The following PTPRZ1 variants were observed in gnomAD, a reference collection of about 807,000 sequenced individuals.
PTPRZ1 encodes protein tyrosine phosphatase receptor type Z1.
In PTPRZ1, 82 loss-of-function variants were observed where a neutral mutation model predicts 214.1. The observed-to-expected ratio is 0.38, with a 90% CI of 0.32 to 0.46. The LOEUF (loss-of-function observed/expected upper bound fraction) is 0.46, where lower values mean the gene tolerates loss of function less well. PTPRZ1 is among the 20% of genes least tolerant of loss of function. The probability of loss-of-function intolerance (pLI) is 1.00; values close to 1 mark genes in which losing one functional copy is unlikely to be tolerated. For synonymous variants in PTPRZ1, 945 were observed against 987.9 expected, an observed-to-expected ratio of 0.96 and a Z score of 0.81; for missense variants, 2,603 against 2,748.7, an observed-to-expected ratio of 0.95 and a Z score of 1.19.
intron 1 of PTPRZ1, among the ~76,000 whole-genome samples, chr7:121,883,869 AC>A: frequency 6.6e-6 from 1 of 152,000 alleles, no homozygotes; most frequent in East Asian, 1.9e-4. Flanking sequence ...CAGGTGGTCC[AC>A]CCTCCTCGGC....
intron 11 of PTPRZ1, among the ~76,000 whole-genome samples, chr7:122,007,969 A>G (rs1798542843): frequency 6.6e-6 from 1 of 152,178 alleles, no homozygotes; most frequent in South Asian, 2.1e-4. Flanking sequence ...GGTAGGATTA[A>G]TGAAGGTCTA....
chr7:122,005,404 T>C (rs1189381492), intron 11 of PTPRZ1, among the ~76,000 whole-genome samples: 2 of 151,962 alleles, frequency 1.3e-5, no homozygotes, highest in Non-Finnish European at 2.9e-5. Context: ...TGTGTATAGA[T>C]TGTGTAGGAG....
At chr7:122,023,807 AT>A (rs1444877487) in intron 13 of PTPRZ1, among the ~76,000 whole-genome samples, 49 of 113,968 alleles carry the variant, frequency 4.3e-4, no homozygotes, top group East Asian at 1.4e-3. Context: ...TTTATATATA[AT>A]TATATATTAT....
chr7:122,013,335 A>G lies in PTPRZ1; in HGVS notation c.4289A>G (p.Asp1430Gly). Residue 1430 changes from aspartate to glycine, a missense_variant, in exon 12 of 30, where the codon GAT (aspartate) becomes GGT (glycine). Transcript: ENST00000393386. ...DTDDDGDDDD[D>G]DRGSDGLSIH... Reference sequence around the variant, plus strand: ...GATGATGATGGTGATGATGATGATGATGACAGAGGTAGTGATGGCTTATCC... The same window carrying G: ...GATGATGATGGTGATGATGATGATGGTGACAGAGGTAGTGATGGCTTATCC... 2 of 1,614,086 alleles carry G rather than the reference A, an allele frequency of 1.2e-6. No homozygotes were observed. Among genetic ancestry groups the G allele is most frequent in the Middle Eastern group, 1.6e-4 (1 of 6,062 alleles).
Position 122,010,429 on chromosome 7 carries a change from T to G in PTPRZ1, c.1383T>G (p.Ile461Met), listed in dbSNP as rs1725394086. ...TNQIRKKEPQ[I>M]STTTHYNRIG... is the part of the protein sequence containing the mutation. Reference sequence around the variant, plus strand: ...AAATCAGGAAAAAGGAACCCCAGATTTCTACCACAACACACTACAATCGCA... The same window carrying G: ...AAATCAGGAAAAAGGAACCCCAGATGTCTACCACAACACACTACAATCGCA... The change falls in exon 12 of 30, where the codon ATT becomes ATG. Residue 461 changes from isoleucine to methionine, a missense_variant. Coordinates refer to ENST00000393386, the MANE Select transcript of PTPRZ1 (RefSeq NM_002851.3). 1 of 1,613,884 alleles carries G rather than the reference T, an allele frequency of 6.2e-7. No individual in the cohort carries two copies. Among genetic ancestry groups the G allele is most frequent in the African/African-American group, 1.3e-5 (1 of 74,894 alleles).
chr7:121,910,958 T>A (rs915448364), intron 1 of PTPRZ1, among the ~76,000 whole-genome samples: 2 of 152,186 alleles, frequency 1.3e-5, no homozygotes, highest in Non-Finnish European at 2.9e-5. Flanking sequence ...AATTATTAAA[T>A]GCTATTTAAA....
Position 122,042,730 on chromosome 7 carries a change from T to C in PTPRZ1, c.5924T>C (p.Leu1975Ser). The C allele has an allele frequency of 3.7e-6, 6 of 1,611,370 alleles. No homozygotes were observed. The highest frequency in any genetic ancestry group is 5.1e-6 in the Non-Finnish European group (6 of 1,177,890). Residue 1975 changes from leucine (L) to serine (S), a missense_variant, in exon 22 of 30, where the codon TTG becomes TCG. By Grantham distance (145) the Leu-to-Ser change is moderately radical (BLOSUM62 -2). Coordinates refer to ENST00000393386, the MANE Select transcript of PTPRZ1 (RefSeq NM_002851.3). ...CACATCCGTTCACAAAGAAATTATT[T>C]GGTACAAACTGAGGTATGATTTTTA... ...LKHIRSQRNY[L>S]VQTEEQYVFI...
At chr7:122,033,069 A>G (rs1799429826) in intron 15 of PTPRZ1, among the ~76,000 whole-genome samples, 1 of 152,052 alleles carries the variant, frequency 6.6e-6, no homozygotes, top group South Asian at 2.1e-4. Flanking sequence ...ATCATTTTGA[A>G]TATTATTAAG....
chr7:121,972,707 C>T lies in PTPRZ1; in HGVS notation c.456+15C>T, dbSNP rs1427557089. 6.5e-7 allele frequency: 1 copy of T among 1,539,112 alleles called. No homozygotes were observed. The highest frequency in any genetic ancestry group is 8.8e-7 in the Non-Finnish European group (1 of 1,140,350). ...TTCCACTTGAGGTAAGTCAGGAGATCTGCTGTGTACTATTTTATTTTCTAA... is the reference window on the plus strand; with the variant it reads ...TTCCACTTGAGGTAAGTCAGGAGATTTGCTGTGTACTATTTTATTTTCTAA... On this transcript the variant is annotated intron_variant, in intron 4 of 29. Coordinates refer to ENST00000393386, the MANE Select transcript of PTPRZ1 (RefSeq NM_002851.3).
At chr7:121,976,037 A>G (rs748960772) in intron 4 of PTPRZ1, 136 bp from the exon 5 acceptor site, 1 of 511,716 alleles carries the variant, frequency 2.0e-6, no homozygotes, top group Non-Finnish European at 3.4e-6. Flanking sequence ...TTATTGAAGG[A>G]TGGTAAATGA....
chr7:121,933,285 C>T (rs1795978095), intron 2 of PTPRZ1, among the ~76,000 whole-genome samples: 1 of 151,776 alleles, frequency 6.6e-6, no homozygotes, highest in Non-Finnish European at 1.5e-5. Flanking sequence ...CAACCTCAAG[C>T]AATGATAAGA....
At chr7:121,921,151 AAATAACTC>A (rs1359594238) in intron 1 of PTPRZ1, among the ~76,000 whole-genome samples, 1 of 152,122 alleles carries the variant, frequency 6.6e-6, no homozygotes, top group Non-Finnish European at 1.5e-5. Flanking sequence ...TTTTAACAAA[AAATAACTC>A]AACTTTAGAA....
intron 27 of PTPRZ1, among the ~76,000 whole-genome samples, chr7:122,056,699 A>G (rs1169124990): frequency 6.6e-6 from 1 of 151,802 alleles, no homozygotes; most frequent in Non-Finnish European, 1.5e-5. Context: ...AATTACTTTT[A>G]CCCACCATTG....
intron 2 of PTPRZ1, among the ~76,000 whole-genome samples, chr7:121,938,428 G>A (rs917777998): frequency 6.6e-6 from 1 of 152,204 alleles, no homozygotes; most frequent in South Asian, 2.1e-4. Flanking sequence ...GACTATTTGT[G>A]TTACCCTATT....
chr7:121,875,164 G>T (rs1794014540), intron 1 of PTPRZ1, among the ~76,000 whole-genome samples: 1 of 151,956 alleles, frequency 6.6e-6, no homozygotes, highest in South Asian at 2.1e-4. Flanking sequence ...ATGTTTTAAT[G>T]ACCCCAAAAA....
At chr7:122,055,623 T>TC (rs1348700815) in intron 27 of PTPRZ1, among the ~76,000 whole-genome samples, 2 of 151,906 alleles carry the variant, frequency 1.3e-5, no homozygotes, top group Non-Finnish European at 2.9e-5. Context: ...AAGTCTTGGT[T>TC]ATCTATTACA....
At chr7:122,056,924 T>C (rs181780871) in intron 27 of PTPRZ1, among the ~76,000 whole-genome samples, 3 of 152,018 alleles carry the variant, frequency 2.0e-5, no homozygotes, top group African/African-American at 7.2e-5. Context: ...ATGTGTATTA[T>C]GCTACTCAGA....
At chr7:122,026,241 G>C (rs1317713375) in intron 13 of PTPRZ1, among the ~76,000 whole-genome samples, 1 of 152,146 alleles carries the variant, frequency 6.6e-6, no homozygotes, top group Non-Finnish European at 1.5e-5. Context: ...TTAACCATAG[G>C]TTAGAGATGC....
chr7:121,898,262 GT>G (rs5887058), intron 1 of PTPRZ1, among the ~76,000 whole-genome samples: 9 of 149,872 alleles, frequency 6.0e-5, no homozygotes, highest in South Asian at 2.1e-4. Context: ...AATGTGATGG[GT>G]TTTTTTTTTC....
Sources: allele counts gnomAD v4.1 joint callset (sites outside exome capture counted in the v4.1 genomes callset), GRCh38; gene constraint gnomAD v4.1.1; transcripts MANE v1.5; gene names NCBI Gene and HGNC (gene_info 2026-07-23, HGNC 2026-07-21).